The following NFIA variants were observed in gnomAD, a reference collection of about 807,000 sequenced individuals.
NFIA encodes the protein nuclear factor I A.
Under a neutral mutation model 62.8 loss-of-function variants are expected in NFIA, and 8 were observed. That is an observed-to-expected ratio of 0.13 (90% CI 0.07 to 0.23). The LOEUF (loss-of-function observed/expected upper bound fraction) is 0.23. NFIA is among the 10% of genes least tolerant of loss of function. NFIA has a pLI of 1.00. For synonymous variants in NFIA, 235 were observed against 238.1 expected (o/e 0.99, Z 0.12); for missense variants, 410 against 642.1 (o/e 0.64, Z 3.91).
chr1:61,233,457 G>T lies in NFIA; in HGVS notation c.560-44063G>T, dbSNP rs146615221. On this transcript the variant is annotated intron_variant, in intron 2 of 10. Transcript: ENST00000403491. ...GCTAAGCTATTTAAAAAGGCCTGTG[G>T]TAGCAACATGCTGCAGGTATTTGAG... Among the ~76,000 whole-genome samples the T allele has an allele frequency of 4.9e-4, 75 of 152,302 alleles. 1 individual carries two copies. The highest frequency in any genetic ancestry group is 6.8e-3 in the Middle Eastern group (2 of 294).
chr1:61,196,586 A>AT (rs111245804), intron 2 of NFIA, among the ~76,000 whole-genome samples: 3,002 of 151,274 alleles, frequency 0.02, 86 homozygotes, highest in African/African-American at 0.055. Flanking sequence ...ACTATATATT[A>AT]TTTTTTTTTG....
At chr1:61,376,553 G>A (rs1479551928) in intron 6 of NFIA, among the ~76,000 whole-genome samples, 1 of 152,114 alleles carries the variant, frequency 6.6e-6, no homozygotes, top group Admixed American at 6.5e-5. Flanking sequence ...CCTTACTAAG[G>A]CCAAGAGAAA....
chr1:61,161,141 C>T (rs909581982), intron 2 of NFIA, among the ~76,000 whole-genome samples: 3 of 152,210 alleles, frequency 2.0e-5, no homozygotes, highest in Non-Finnish European at 4.4e-5. Context: ...TCTCGAACTC[C>T]TGACCTCAAG....
intron 2 of NFIA, among the ~76,000 whole-genome samples, chr1:61,111,110 G>A (rs1166600341): frequency 6.6e-6 from 1 of 152,092 alleles, no homozygotes; most frequent in Non-Finnish European, 1.5e-5. Context: ...CTTCACAAAA[G>A]CTATGAAATA....
intron 3 of NFIA, among the ~76,000 whole-genome samples, chr1:61,283,167 T>C (rs561533762): frequency 6.6e-6 from 1 of 152,354 alleles, no homozygotes; most frequent in African/African-American, 2.4e-5. Context: ...GAACAAGGAA[T>C]GTACTTCTTT....
intron 9 of NFIA, among the ~76,000 whole-genome samples, chr1:61,422,297 G>A (rs1359809827): frequency 6.6e-6 from 1 of 152,116 alleles, no homozygotes. Context: ...ACGTTGGCAT[G>A]AATATTTTAA....
chr1:61,138,000 A>T (rs1302631294), intron 2 of NFIA, among the ~76,000 whole-genome samples: 1 of 151,746 alleles, frequency 6.6e-6, no homozygotes, highest in African/African-American at 2.4e-5. Context: ...TGGAGTGAAG[A>T]GAAAAGTGAT....
intron 2 of NFIA, among the ~76,000 whole-genome samples, chr1:61,114,035 C>T (rs1213063806): frequency 6.6e-6 from 1 of 152,090 alleles, no homozygotes; most frequent in Non-Finnish European, 1.5e-5. Context: ...GACAGTGGAA[C>T]AGTAGCTTTG....
At chr1:61,374,362 G>A (rs544280138) in intron 6 of NFIA, among the ~76,000 whole-genome samples, 20 of 152,200 alleles carry the variant, frequency 1.3e-4, no homozygotes, top group African/African-American at 4.8e-4. Context: ...GATGGAATGG[G>A]TAGGGAATCT....
chr1:61,133,010 A>G (rs771120443), intron 2 of NFIA: 1 of 152,220 alleles, frequency 6.6e-6, no homozygotes, highest in Non-Finnish European at 1.5e-5. Flanking sequence ...GGAAAAAAGA[A>G]TAAACTTTTT....
intron 2 of NFIA, among the ~76,000 whole-genome samples, chr1:61,277,255 A>G (rs1657858311): frequency 6.6e-6 from 1 of 152,222 alleles, no homozygotes. Flanking sequence ...TGGTTGCTGA[A>G]GAGCTTCAAG....
intron 2 of NFIA, among the ~76,000 whole-genome samples, chr1:61,121,392 C>A (rs1646884292): frequency 6.6e-6 from 1 of 152,112 alleles, no homozygotes; most frequent in South Asian, 2.1e-4. Context: ...CCCTCCTCCT[C>A]CCCAAGAATT....
intron 10 of NFIA, among the ~76,000 whole-genome samples, chr1:61,432,620 C>A (rs201306388): frequency 1.2e-4 from 6 of 48,684 alleles, no homozygotes; most frequent in South Asian, 7.3e-4. Flanking sequence ...TACACACACA[C>A]ACACGTACAC....
At chr1:61,256,985 G>C (rs1656437494) in intron 2 of NFIA, among the ~76,000 whole-genome samples, 2 of 152,164 alleles carry the variant, frequency 1.3e-5, no homozygotes. Flanking sequence ...CTGCATTTAA[G>C]TGTTATAATT....
rs1165143527 is a variant in NFIA, at chr1:61,385,403, C to T, written c.1075+2038C>T. Among the ~76,000 whole-genome samples the T allele has an allele frequency of 3.9e-5, 6 of 152,284 alleles. No homozygotes were observed. The South Asian group carries it at 1.0e-3, about 26-fold the overall frequency. On this transcript the variant is annotated intron_variant, in intron 7 of 10. Transcript: ENST00000403491. ...CAATCAGGAGAGCTGGGTAGGCTCC[C>T]TCTTTTCCTTCCCACTCACCTTCTG...
chr1:61,286,327 C>T (rs1163371025), intron 3 of NFIA, among the ~76,000 whole-genome samples: 2 of 150,202 alleles, frequency 1.3e-5, no homozygotes, highest in Non-Finnish European at 2.9e-5. Context: ...ACTCAGGAGG[C>T]TGAGGCAGGA....
chr1:61,138,416 T>G (rs898497858), intron 2 of NFIA, among the ~76,000 whole-genome samples: 1 of 152,154 alleles, frequency 6.6e-6, no homozygotes, highest in African/African-American at 2.4e-5. Flanking sequence ...CAAAATACAG[T>G]GGTTTTACCC....
intron 2 of NFIA, among the ~76,000 whole-genome samples, chr1:61,276,909 A>G (rs1657839861): frequency 6.6e-6 from 1 of 152,182 alleles, no homozygotes; most frequent in African/African-American, 2.4e-5. Flanking sequence ...CAGTACAAGA[A>G]AAAAATAATT....
At chr1:61,307,602 A>G (rs780768774) in intron 3 of NFIA, among the ~76,000 whole-genome samples, 12 of 152,224 alleles carry the variant, frequency 7.9e-5, no homozygotes, top group Admixed American at 1.3e-4. Flanking sequence ...CCAGCAATGC[A>G]TAAAGAATCA....
Sources: allele counts gnomAD v4.1 joint callset (sites outside exome capture counted in the v4.1 genomes callset), GRCh38; gene constraint gnomAD v4.1.1; transcripts MANE v1.5; gene names NCBI Gene and HGNC (gene_info 2026-07-23, HGNC 2026-07-21).